Variants in ZNF599 observed in about 807,000 individuals in gnomAD.
The protein encoded by ZNF599 is zinc finger protein 599.
A neutral mutation model predicts 11.7 loss-of-function variants in ZNF599; 10 were observed. The ratio of observed to expected loss-of-function variants is 0.86; its 90% CI spans 0.53 to 1.45. The LOEUF (loss-of-function observed/expected upper bound fraction) is 1.45. Among genes scored for constraint, ZNF599 ranks in the 40% most tolerant of loss-of-function variants. ZNF599 has a pLI of 0.00. For synonymous variants in ZNF599, 232 were observed against 253.2 expected (o/e 0.92, Z 0.79); for missense variants, 688 against 713.6 (o/e 0.96, Z 0.41).
the ZNF599 span, among the ~76,000 whole-genome samples, chr19:34,807,083 C>T: frequency 6.6e-6 from 1 of 152,230 alleles, no homozygotes; most frequent in African/African-American, 2.4e-5. Context: ...GCCCCCAGGC[C>T]AGCCCAGTTG....
rs1016397058 is a variant in ZNF599 at position 34,773,156 on chromosome 19, C to G, written c.-315G>C. On this transcript the variant is annotated 5_prime_UTR_variant, in exon 1 of 4. Coordinates refer to ENST00000329285, the MANE Select transcript of ZNF599 (RefSeq NM_001007248.3). ...AGTGGCCCCTGTCTGGCGTTCTACC[C>G]AGTGTAGCGTTGGCAACCACAGCAG... is the stretch of plus-strand genomic sequence containing the variant. The G allele has an allele frequency of 1.6e-5, 6 of 369,570 alleles. No individual in the cohort carries two copies. The highest frequency in any genetic ancestry group is 1.3e-4 in the African/African-American group (6 of 47,630). 22.9% of individuals were successfully genotyped at this position (369,570 alleles called of 1,614,324 possible).
the ZNF599 span, among the ~76,000 whole-genome samples, chr19:34,790,934 T>C: frequency 3.1e-3 from 476 of 152,334 alleles, 1 homozygote; most frequent in Non-Finnish European, 5.6e-3. Flanking sequence ...AAATGTGTTA[T>C]TATTATTCAT....
upstream of ZNF599, among the ~76,000 whole-genome samples, chr19:34,777,962 T>G (rs1175294739): frequency 6.6e-6 from 1 of 152,034 alleles, no homozygotes; most frequent in African/African-American, 2.4e-5. Context: ...AGATGTCAAG[T>G]TAAGCGTTCT....
At chr19:34,778,510 A>G in the ZNF599 span, among the ~76,000 whole-genome samples, 6 of 152,322 alleles carry the variant, frequency 3.9e-5, no homozygotes, top group Admixed American at 1.3e-4. Context: ...AGATGTCTCC[A>G]GGTTTAGAGA....
chr19:34,780,255 C>T, the ZNF599 span, among the ~76,000 whole-genome samples: 1 of 152,144 alleles, frequency 6.6e-6, no homozygotes, highest in East Asian at 1.9e-4. Context: ...TGCCTGTAAT[C>T]CCAGCATTTT....
chr19:34,795,924 C>T, the ZNF599 span, among the ~76,000 whole-genome samples: 21 of 152,260 alleles, frequency 1.4e-4, no homozygotes, highest in South Asian at 4.1e-4. Flanking sequence ...CAGGTTCAAG[C>T]GATTCTCCTG....
intron 2 of ZNF599, among the ~76,000 whole-genome samples, chr19:34,768,212 G>A (rs529094207): frequency 5.4e-4 from 83 of 152,298 alleles, no homozygotes; most frequent in Non-Finnish European, 9.4e-4. Context: ...GCTGGGTGAT[G>A]AGCAGCATTA....
chr19:34,762,551 T>C (rs1480857049), intron 3 of ZNF599, among the ~76,000 whole-genome samples: 1 of 152,202 alleles, frequency 6.6e-6, no homozygotes. Flanking sequence ...TATGGCAGCA[T>C]TGTTTGTGAT....
At chr19:34,765,686 G>GTAA (rs1296754356) in intron 3 of ZNF599, 3 of 702,820 alleles carry the variant, frequency 4.3e-6, no homozygotes, top group Non-Finnish European at 7.8e-6. Flanking sequence ...GTGTCAAAAA[G>GTAA]CAAGAAAATC....
At chr19:34,781,117 CTG>C in the ZNF599 span, among the ~76,000 whole-genome samples, 2 of 150,674 alleles carry the variant, frequency 1.3e-5, no homozygotes, top group East Asian at 4.0e-4. Context: ...GATAGCGCCA[CTG>C]TACTCCAGCC....
upstream of ZNF599, among the ~76,000 whole-genome samples, chr19:34,774,186 G>T (rs1029724317): frequency 6.6e-6 from 1 of 152,160 alleles, no homozygotes; most frequent in African/African-American, 2.4e-5. Context: ...ATTACCTGCA[G>T]CCCTAAGGGA....
chr19:34,783,394 G>A, the ZNF599 span, among the ~76,000 whole-genome samples: 1 of 152,150 alleles, frequency 6.6e-6, no homozygotes, highest in Non-Finnish European at 1.5e-5. Context: ...CGAGTAATCT[G>A]AATAATTTTA....
At chr19:34,781,234 TAAAG>T in the ZNF599 span, among the ~76,000 whole-genome samples, 32 of 135,928 alleles carry the variant, frequency 2.4e-4, no homozygotes, top group African/African-American at 5.7e-4. Flanking sequence ...AGAAAAGAAA[TAAAG>T]AGAAAGAAAG....
chr19:34,795,224 G>A, the ZNF599 span, among the ~76,000 whole-genome samples: 1 of 152,152 alleles, frequency 6.6e-6, no homozygotes, highest in Admixed American at 6.5e-5. Flanking sequence ...GTCTCAGATG[G>A]TTTGACTGGT....
chr19:34,786,807 C>T, the ZNF599 span, among the ~76,000 whole-genome samples: 1 of 152,266 alleles, frequency 6.6e-6, no homozygotes, highest in East Asian at 1.9e-4. Flanking sequence ...GAGACTCATT[C>T]CTTGACCTTC....
upstream of ZNF599, among the ~76,000 whole-genome samples, chr19:34,774,687 T>G (rs2145470535): frequency 6.6e-6 from 1 of 152,306 alleles, no homozygotes; most frequent in East Asian, 1.9e-4. Context: ...ATTAATTTAG[T>G]CATCAGATTT....
Position 34,760,395 on chromosome 19 carries a change from T to G in ZNF599, c.406A>C (p.Arg136=). ...TCTTTGTGGGGGTTTGTTCCTGGCC[T>G]CAAGTTCCCTTCCTGAATTTTTATT... The part of the protein sequence containing the change: ...KLIKIQEGNL[R]PGTNPHKEIC... Residue 136 remains arginine (R), a synonymous_variant, in exon 4 of 4, where the codon AGG becomes CGG. Coordinates refer to ENST00000329285, the MANE Select transcript of ZNF599 (RefSeq NM_001007248.3). 6.2e-7 allele frequency: 1 copy of G among 1,614,190 alleles called. No homozygotes were observed. Among genetic ancestry groups the G allele is most frequent in the Non-Finnish European group, 8.5e-7 (1 of 1,180,030 alleles).
At chr19:34,771,625 A>C (rs2069184527) in intron 1 of ZNF599, among the ~76,000 whole-genome samples, 1 of 152,118 alleles carries the variant, frequency 6.6e-6, no homozygotes, top group African/African-American at 2.4e-5. Context: ...TGTGCAGGAG[A>C]GAAGAATGGC....
At position 34,760,578 on chromosome 19, in the gene ZNF599, A is replaced by G. The variant is rs772899385; in HGVS notation, c.242-19T>C. ...TTTTCACCTGAAGGAAATCCAATAT[A>G]AAAAAAACTGAACATTAGTGATGTC... On this transcript the variant is annotated intron_variant, in intron 3 of 3. Transcript: ENST00000329285. 6.4e-7 allele frequency: 1 copy of G among 1,567,602 alleles called. No individual in the cohort carries two copies. Among genetic ancestry groups the G allele is most frequent in the Non-Finnish European group, 8.6e-7 (1 of 1,161,430 alleles).
Sources: gnomAD v4.1 joint callset for allele counts (sites outside exome capture counted in the v4.1 genomes callset) on GRCh38, gnomAD v4.1.1 for gene constraint, MANE v1.5 for transcripts, NCBI Gene and HGNC (gene_info 2026-07-23, HGNC 2026-07-21) for gene names.